The following UST variants were observed in gnomAD, a reference collection of about 807,000 sequenced individuals.
UST encodes the protein chondroitin sulfate 2-O-sulfotransferase.
Under a neutral mutation model 45.6 loss-of-function variants are expected in UST, and 21 were observed. That is an observed-to-expected ratio of 0.46 (90% CI 0.33 to 0.66). The LOEUF is 0.66. Ranked by LOEUF, UST falls within the 30% of genes least tolerant of loss-of-function variation. UST has a pLI of 0.02. For missense variants in UST, 463 were observed against 512.4 expected, an observed-to-expected ratio of 0.90 and a Z score of 0.93; for synonymous variants, 215 against 200.6, an observed-to-expected ratio of 1.07 and a Z score of -0.61.
intron 3 of UST, among the ~76,000 whole-genome samples, chr6:148,946,813 C>CAAAAAA (rs60990121): frequency 1.8e-5 from 1 of 56,856 alleles, no homozygotes; most frequent in Non-Finnish European, 3.0e-5. Context: ...GACTCCATCC[C>CAAAAAA]AAAAAAAAAA....
At chr6:148,811,606 C>T (rs1026773026) in intron 1 of UST, among the ~76,000 whole-genome samples, 1 of 152,208 alleles carries the variant, frequency 6.6e-6, no homozygotes, top group Non-Finnish European at 1.5e-5. Context: ...GGGAAGGGCT[C>T]AGCTTGGCAG....
chr6:148,910,060 G>T (rs1779442934), intron 2 of UST, among the ~76,000 whole-genome samples: 1 of 149,550 alleles, frequency 6.7e-6, no homozygotes, highest in Admixed American at 6.7e-5. Flanking sequence ...GCATTAGTTT[G>T]ATTACCTTGG....
At chr6:149,003,865 G>A (rs1035465262) in intron 5 of UST, among the ~76,000 whole-genome samples, 4 of 152,188 alleles carry the variant, frequency 2.6e-5, no homozygotes, top group Non-Finnish European at 5.9e-5. Flanking sequence ...TGAGGGCCAG[G>A]CTGGCGTCCC....
intron 1 of UST, among the ~76,000 whole-genome samples, chr6:148,780,341 C>T (rs1001510380): frequency 4.6e-5 from 7 of 151,970 alleles, no homozygotes; most frequent in African/African-American, 9.7e-5. Context: ...TATAGGTAAA[C>T]GCGTGTCATG....
chr6:148,851,738 A>G (rs1412906888), intron 1 of UST, among the ~76,000 whole-genome samples: 1 of 152,188 alleles, frequency 6.6e-6, no homozygotes, highest in East Asian at 1.9e-4. Flanking sequence ...TGATCAGAAC[A>G]TCTGGGTTCG....
At chr6:148,791,172 A>G (rs1776839610) in intron 1 of UST, among the ~76,000 whole-genome samples, 1 of 152,170 alleles carries the variant, frequency 6.6e-6, no homozygotes. Context: ...TATTACTGGC[A>G]TCTAGTGGGT....
chr6:148,912,967 G>A (rs77322269), intron 2 of UST, among the ~76,000 whole-genome samples: 3,451 of 152,256 alleles, frequency 0.023, 141 homozygotes, highest in African/African-American at 0.079. Flanking sequence ...TAGGTCTGGA[G>A]AGGGGCCCAA....
At chr6:148,839,528 T>C (rs958519317) in intron 1 of UST, among the ~76,000 whole-genome samples, 2 of 152,220 alleles carry the variant, frequency 1.3e-5, no homozygotes, top group Admixed American at 6.5e-5. Context: ...TCTTTTGACA[T>C]GATTTCATAG....
At chr6:148,939,073 C>T (rs551448853) in intron 2 of UST, among the ~76,000 whole-genome samples, 1 of 151,982 alleles carries the variant, frequency 6.6e-6, no homozygotes, top group South Asian at 2.1e-4. Flanking sequence ...GTATTTTTAC[C>T]AATCAGTCCA....
chr6:148,953,155 AT>A (rs900357877), intron 3 of UST, among the ~76,000 whole-genome samples: 24 of 152,312 alleles, frequency 1.6e-4, no homozygotes, highest in African/African-American at 5.3e-4. Flanking sequence ...ATTTTATTCC[AT>A]TTTTAAATTC....
chr6:148,911,143 A>G (rs1412842216), intron 2 of UST, among the ~76,000 whole-genome samples: 1 of 152,074 alleles, frequency 6.6e-6, no homozygotes, highest in Admixed American at 6.5e-5. Context: ...CTTTTTTCAG[A>G]GATTCAGAAA....
chr6:148,848,732 ACT>A (rs1562276171), intron 1 of UST, among the ~76,000 whole-genome samples: 1 of 151,794 alleles, frequency 6.6e-6, no homozygotes, highest in African/African-American at 2.4e-5. Context: ...AAACTTTCAA[ACT>A]CTGTTTCTTA....
intron 1 of UST, among the ~76,000 whole-genome samples, chr6:148,837,687 CTT>C (rs572104396): frequency 7.1e-6 from 1 of 141,084 alleles, no homozygotes; most frequent in African/African-American, 2.6e-5. Flanking sequence ...CAAGGTCCCT[CTT>C]TTTTTTTTTT....
intron 7 of UST, among the ~76,000 whole-genome samples, chr6:149,046,021 C>T (rs1287515935): frequency 6.6e-6 from 1 of 152,180 alleles, no homozygotes; most frequent in Non-Finnish European, 1.5e-5. Flanking sequence ...TGACTGTCAA[C>T]AACTATTGTT....
At position 148,747,367 on chromosome 6, in the gene UST, C is replaced by T. The variant is rs976128169; in HGVS notation, c.-64C>T. 8.1e-6 allele frequency: 11 copies of T among 1,362,596 alleles called. No homozygotes were observed. In the Middle Eastern group the frequency reaches 6.5e-4, roughly 81 times the overall value. The allele number at this position is 1,362,596 out of a possible 1,614,324, so 84.4% of individuals were successfully genotyped here. A position where few individuals can be genotyped will look rare whatever the true frequency, so the allele number is the denominator to read the frequency against. Reference sequence around the variant, plus strand: ...TGCAGCCGGCCAGCCGGGCTCTCCTCCTCGCGGCGGATGGGTGACCTTTTC... The same window carrying T: ...TGCAGCCGGCCAGCCGGGCTCTCCTTCTCGCGGCGGATGGGTGACCTTTTC... On this transcript the variant is annotated 5_prime_UTR_variant, in exon 1 of 8. Transcript: ENST00000367463.
intron 7 of UST, among the ~76,000 whole-genome samples, chr6:149,064,097 C>A (rs1028543691): frequency 6.6e-6 from 1 of 152,110 alleles, no homozygotes; most frequent in African/African-American, 2.4e-5. Flanking sequence ...GCCTGGTCTC[C>A]CTGGTGAGGA....
chr6:148,792,420 G>T (rs776314668), intron 1 of UST, among the ~76,000 whole-genome samples: 1 of 152,090 alleles, frequency 6.6e-6, no homozygotes, highest in Non-Finnish European at 1.5e-5. Flanking sequence ...CCCCAAAGTC[G>T]CCTGGGCCTG....
intron 7 of UST, among the ~76,000 whole-genome samples, chr6:149,067,139 C>T (rs1216811613): frequency 1.3e-5 from 2 of 152,168 alleles, no homozygotes; most frequent in Non-Finnish European, 2.9e-5. Context: ...TCTTTGGGAA[C>T]TGAATGGGAC....
chr6:148,787,331 T>G (rs1776751876), intron 1 of UST, among the ~76,000 whole-genome samples: 1 of 152,256 alleles, frequency 6.6e-6, no homozygotes, highest in Non-Finnish European at 1.5e-5. Flanking sequence ...GGTTTTACAT[T>G]TAAGTCTTTA....
Sources: allele counts gnomAD v4.1 joint callset (sites outside exome capture counted in the v4.1 genomes callset), GRCh38; gene constraint gnomAD v4.1.1; transcripts MANE v1.5; gene names NCBI Gene and HGNC (gene_info 2026-07-23, HGNC 2026-07-21).